SERINC4: variants seen among roughly 807,000 people sequenced by gnomAD.
SERINC4 encodes serine incorporator 4.
Under a neutral mutation model 52.0 loss-of-function variants are expected in SERINC4, and 52 were observed. That is an observed-to-expected ratio of 1.00 (90% CI 0.80 to 1.26). The LOEUF (loss-of-function observed/expected upper bound fraction) is 1.26, where lower values mean the gene tolerates loss of function less well. SERINC4 is among the 50% of genes most tolerant of loss of function. The pLI, the probability that SERINC4 is intolerant of heterozygous loss-of-function variation, is 0.00. For synonymous variants in SERINC4, 264 were observed against 247.7 expected, an observed-to-expected ratio of 1.07 and a Z score of -0.62; for missense variants, 723 against 632.8, an observed-to-expected ratio of 1.14 and a Z score of -1.53.
In SERINC4 at chr15:43,794,192, T is replaced by C; in HGVS notation, c.*808A>G. On this transcript the variant is annotated 3_prime_UTR_variant, in exon 12 of 12. Coordinates refer to ENST00000319327, the MANE Select transcript of SERINC4 (RefSeq NM_001258031.2). Reference sequence around the variant, plus strand: ...GAAACATCACAGAAGAAGCCTTTATTATACAATGACAACCAAACAAGTACT... The same window carrying C: ...GAAACATCACAGAAGAAGCCTTTATCATACAATGACAACCAAACAAGTACT... 1.9e-6 allele frequency: 1 copy of C among 526,262 alleles called. No individual in the cohort carries two copies. The highest frequency in any genetic ancestry group is 3.3e-6 in the Non-Finnish European group (1 of 298,878). 32.6% of individuals were successfully genotyped at this position (526,262 alleles called of 1,614,324 possible).
At position 43,794,718 on chromosome 15, in the gene SERINC4, G is replaced by A. The variant is rs1460280256; in HGVS notation, c.*282C>T. Reference sequence around the variant, plus strand: ...GCCCAAGAGCCAGGAAAGGGCTGGTGCCACACTGTCTGCTGGGATCAGCGG... The same window carrying A: ...GCCCAAGAGCCAGGAAAGGGCTGGTACCACACTGTCTGCTGGGATCAGCGG... On this transcript the variant is annotated 3_prime_UTR_variant, in exon 12 of 12. Transcript: ENST00000319327. 1 of 363,786 alleles carries A rather than the reference G, an allele frequency of 2.7e-6. No homozygotes were observed. The highest frequency in any genetic ancestry group is 2.0e-5 in the African/African-American group (1 of 49,524). The allele number at this position is 363,786 out of a possible 1,614,324, so 22.5% of individuals were successfully genotyped here.
At position 43,798,654 on chromosome 15, in the gene SERINC4, G is replaced by A. The variant is rs145371044; in HGVS notation, c.459-150C>T. On this transcript the variant is annotated intron_variant, in intron 3 of 11. Coordinates refer to ENST00000319327, the MANE Select transcript of SERINC4 (RefSeq NM_001258031.2). ...GAGGAACCAATCCCAAATGAGAGGG[G>A]GTTGGGACAGGCCTACTGCACCTTA... The A allele has an allele frequency of 7.6e-4, 507 of 663,766 alleles. 2 individuals are homozygous for A. The highest frequency in any genetic ancestry group is 1.2e-3 in the Non-Finnish European group (458 of 373,666). The allele number at this position is 663,766 out of a possible 1,614,324, so 41.1% of individuals were successfully genotyped here. A position where few individuals can be genotyped will look rare whatever the true frequency, so the allele number is the denominator to read the frequency against.
At chr15:43,797,874 C>A in intron 5 of SERINC4, 46 bp downstream of exon 5, 1 of 1,425,088 alleles carries the variant, frequency 7.0e-7, no homozygotes, top group Non-Finnish European at 9.9e-7. Context: ...TGTAGTAATA[C>A]TAGAAACCTC....
chr15:43,795,316 A>G (rs1197965345), intron 11 of SERINC4, 72 bp downstream of exon 11: 6 of 1,598,400 alleles, frequency 3.8e-6, no homozygotes, highest in Middle Eastern at 1.7e-4. Flanking sequence ...TGTGTCTGGA[A>G]TGGCCTTGAA....
chr15:43,796,680 T>A lies in SERINC4; in HGVS notation c.1003A>T (p.Thr335Ser). 1 of 1,614,118 alleles carries A rather than the reference T, an allele frequency of 6.2e-7. No individual in the cohort carries two copies. The highest frequency in any genetic ancestry group is 8.5e-7 in the Non-Finnish European group (1 of 1,180,010). The change falls in exon 8 of 12, where the codon ACA becomes TCA. Residue 335 changes from threonine (T) to serine (S), a missense_variant. Physicochemically the swap from Thr to Ser is moderately conservative, Grantham distance 58. Coordinates refer to ENST00000319327, the MANE Select transcript of SERINC4 (RefSeq NM_001258031.2). The part of the protein sequence containing the change: ...LPGLSKMEPQ[T>S]PDISLAMLSA... ...AGCATTGCTAGAGAGATATCTGGTG[T>A]TTGGGGTTCCATTTTACTCAGGCCA...
chr15:43,796,747 G>C lies in SERINC4; in HGVS notation c.941-5C>G, dbSNP rs748424399. ...GATTCTGTCCTTGAAGGATTACTGG[G>C]AAGGGACAACAGAAGAGATGGGTAT... On this transcript the variant is annotated splice_region_variant and splice_polypyrimidine_tract_variant and intron_variant, in intron 7 of 11. Coordinates refer to ENST00000319327, the MANE Select transcript of SERINC4 (RefSeq NM_001258031.2). The C allele has an allele frequency of 3.1e-6, 5 of 1,614,178 alleles. No individual in the cohort carries two copies. The highest frequency in any genetic ancestry group is 1.6e-4 in the Middle Eastern group (1 of 6,062).
rs1216694873 is a variant in SERINC4 at position 43,800,051 on chromosome 15, T to C, written c.-65A>G. ...GGCAGATGAGAGCAGCAGTTGCTTC[T>C]GTCCTCAGCCCATTGGACTGCCACT... On this transcript the variant is annotated 5_prime_UTR_variant, in exon 1 of 12. Transcript: ENST00000319327. The C allele has an allele frequency of 8.0e-7, 1 of 1,249,166 alleles. No homozygotes were observed. Among genetic ancestry groups the C allele is most frequent in the Admixed American group, 2.7e-5 (1 of 36,994 alleles). The allele number at this position is 1,249,166 out of a possible 1,614,324, so 77.4% of individuals were successfully genotyped here. A position where few individuals can be genotyped will look rare whatever the true frequency, so the allele number is the denominator to read the frequency against.
chr15:43,798,047 T>C, intron 4 of SERINC4, 34 bp from the exon 5 acceptor site: 1 of 1,528,588 alleles, frequency 6.5e-7, no homozygotes, highest in Non-Finnish European at 9.0e-7. Context: ...AAATGTCAAA[T>C]TGTTACTTTT....
rs1013580955 is a variant in SERINC4, at chr15:43,797,236, A to G, written c.753T>C (p.Ala251=). Residue 251 remains alanine (A), a synonymous_variant, in exon 6 of 12, where the codon GCT becomes GCC. Transcript: ENST00000319327. ...VLLFHYYTHP[A]GCLLNKMLLS... ...GGAGCATCTTGTTAAGCAGGCAGCC[A>G]GCTGGGTGTGTATAATAGTGGAATA... 6.4e-7 allele frequency: 1 copy of G among 1,550,530 alleles called. No individual in the cohort carries two copies. The highest frequency in any genetic ancestry group is 1.4e-5 in the African/African-American group (1 of 73,034).
intron 5 of SERINC4, 113 bp from the exon 6 acceptor site, chr15:43,797,469 T>C: frequency 1.3e-6 from 1 of 742,666 alleles, no homozygotes; most frequent in Non-Finnish European, 2.2e-6. Flanking sequence ...CTCAGCTCAC[T>C]GCAACCTCCG....
At chr15:43,796,572 G>T in intron 8 of SERINC4, 44 bp downstream of exon 8, 1 of 1,606,906 alleles carries the variant, frequency 6.2e-7, no homozygotes, top group Non-Finnish European at 8.5e-7. Flanking sequence ...TCCCTGTCTT[G>T]GGCACCCTCC....
rs576283004 is a variant in SERINC4, at chr15:43,796,289, C to T, written c.1068-62G>A. The T allele has an allele frequency of 2.3e-5, 29 of 1,288,476 alleles. No individual in the cohort carries two copies. The African/African-American group carries it at 3.5e-4, about 16-fold the overall frequency. The allele number at this position is 1,288,476 out of a possible 1,614,324, so 79.8% of individuals were successfully genotyped here. On this transcript the variant is annotated intron_variant, in intron 8 of 11. Coordinates refer to ENST00000319327, the MANE Select transcript of SERINC4 (RefSeq NM_001258031.2). ...AATAGGGATTATCTGGGGGCATTTA[C>T]TACCAATTGGTCCATACTGGTAATC...
intron 6 of SERINC4, 38 bp downstream of exon 6, chr15:43,797,107 G>A: frequency 6.5e-7 from 1 of 1,527,686 alleles, no homozygotes; most frequent in Non-Finnish European, 8.9e-7. Context: ...TGCTTTTAAG[G>A]CCCCCAAAAC....
At chr15:43,795,992 T>C in intron 9 of SERINC4, 163 bp downstream of exon 9, 2 of 661,844 alleles carry the variant, frequency 3.0e-6, no homozygotes, top group Non-Finnish European at 5.4e-6. Flanking sequence ...TTAAATGAGA[T>C]TATGTAAAAG....
rs781093799 is a variant in SERINC4, at chr15:43,796,208, C to T, written c.1087G>A (p.Ala363Thr). The change falls in exon 9 of 12, where the codon GCT becomes ACT. Residue 363 changes from alanine (A) to threonine (T), a missense_variant. Ala to Thr is a moderately conservative substitution (Grantham distance 58, BLOSUM62 0). Coordinates refer to ENST00000319327, the MANE Select transcript of SERINC4 (RefSeq NM_001258031.2). ...LFACNEASYLAEVFGPLWIVK... is the reference protein window; with the variant it reads ...LFACNEASYLTEVFGPLWIVK... ...ATCCACAGGGGTCCAAATACCTCAG[C>T]CAGGTAGGAGGCCTCATTGCTGAGA... The T allele has an allele frequency of 3.7e-6, 6 of 1,613,804 alleles. No individual in the cohort carries two copies. The highest frequency in any genetic ancestry group is 1.7e-4 in the Middle Eastern group (1 of 6,060).
intron 3 of SERINC4, chr15:43,798,736 T>A (rs915272282): frequency 8.0e-6 from 5 of 627,326 alleles, no homozygotes; most frequent in African/African-American, 1.8e-5. Flanking sequence ...TTACAGTTTA[T>A]AAAGGATTGT....
At chr15:43,798,165 T>C in intron 4 of SERINC4, 152 bp from the exon 5 acceptor site, 1 of 636,988 alleles carries the variant, frequency 1.6e-6, no homozygotes, top group South Asian at 1.9e-5. Flanking sequence ...TTCTTCTGCC[T>C]CCACCTCCTG....
rs772913838 is a variant in SERINC4 at position 43,797,121 on chromosome 15, G to A, written c.844+24C>T. On this transcript the variant is annotated intron_variant, in intron 6 of 11. Transcript: ENST00000319327. ...ATGCTTTTAAGGCCCCCAAAACCTG[G>A]AATGCTGTAGGACATGTACCCACTG... 7 of 1,547,134 alleles carry A rather than the reference G, an allele frequency of 4.5e-6. No individual in the cohort carries two copies. The South Asian group carries it at 8.3e-5, about 18-fold the overall frequency.
At chr15:43,797,790 A>G (rs571402212) in intron 5 of SERINC4, 130 bp downstream of exon 5, 1 of 664,704 alleles carries the variant, frequency 1.5e-6, no homozygotes, top group South Asian at 1.8e-5. Flanking sequence ...TCACATTCCT[A>G]AGCTTTTTTG....
Sources: gnomAD v4.1 joint callset for allele counts on GRCh38, gnomAD v4.1.1 for gene constraint, MANE v1.5 for transcripts, NCBI Gene and HGNC (gene_info 2026-07-23, HGNC 2026-07-21) for gene names.